The following ATAD2B variants were observed in gnomAD, a reference collection of about 807,000 sequenced individuals.
The protein encoded by ATAD2B is ATPase family AAA domain-containing protein 2B.
ATAD2B carries 40 observed loss-of-function variants against 167.6 expected under a neutral mutation model. That is an observed-to-expected ratio of 0.24 (90% confidence interval 0.19 to 0.31). The LOEUF (loss-of-function observed/expected upper bound fraction) is 0.31. ATAD2B is among the 10% of genes least tolerant of loss of function. The pLI is 1.00. For missense variants in ATAD2B, 1,242 were observed against 1,757.2 expected (o/e 0.71, Z 5.24); for synonymous variants, 579 against 596.5 (o/e 0.97, Z 0.43).
At chr2:23,726,263 C>G in the ATAD2B span, among the ~76,000 whole-genome samples, 1 of 152,170 alleles carries the variant, frequency 6.6e-6, no homozygotes, top group Non-Finnish European at 1.5e-5. Context: ...AGGGTGCTGA[C>G]TCCTGTGTAG....
intron 11 of ATAD2B, 90 bp from the exon 12 acceptor site, chr2:23,863,645 T>C: frequency 8.3e-7 from 1 of 1,198,512 alleles, no homozygotes; most frequent in Non-Finnish European, 1.1e-6. Flanking sequence ...TTCCATATAA[T>C]TTTGTATTGA....
chr2:23,803,475 TGGG>T (rs1558559304), intron 18 of ATAD2B, among the ~76,000 whole-genome samples: 1 of 152,214 alleles, frequency 6.6e-6, no homozygotes, highest in African/African-American at 2.4e-5. Context: ...TACAGATTCC[TGGG>T]ACTCATTCCA....
the ATAD2B span, among the ~76,000 whole-genome samples, chr2:23,711,342 C>CT: frequency 3.9e-4 from 31 of 79,778 alleles, 3 homozygotes; most frequent in Middle Eastern, 7.4e-3. Context: ...GAATTTCTTT[C>CT]TTTTTTTTTT....
intron 15 of ATAD2B, among the ~76,000 whole-genome samples, chr2:23,826,137 G>C (rs1405919936): frequency 6.6e-6 from 1 of 152,070 alleles, no homozygotes; most frequent in Non-Finnish European, 1.5e-5. Flanking sequence ...TAAACCCAGT[G>C]AATCAGAATC....
the ATAD2B span, chr2:23,695,567 CG>C: frequency 5.5e-5 from 68 of 1,244,716 alleles, no homozygotes; most frequent in African/African-American, 1.0e-3. The surrounding 1 kb of genome is among the most constrained non-coding windows in gnomAD (Gnocchi z 7.6). Flanking sequence ...TCTTTCCGTC[CG>C]GGAGGTGGCT....
At chr2:23,892,337 G>A (rs138413889) in intron 2 of ATAD2B, among the ~76,000 whole-genome samples, 18,287 of 152,018 alleles carry the variant, frequency 0.12, 1,175 homozygotes, top group Middle Eastern at 0.22. Context: ...CTAATTTTTT[G>A]TATTTTTTAG....
intron 13 of ATAD2B, among the ~76,000 whole-genome samples, chr2:23,840,728 T>C (rs1430066402): frequency 6.6e-6 from 1 of 152,238 alleles, no homozygotes; most frequent in South Asian, 2.1e-4. Flanking sequence ...TCCTGAAATG[T>C]GGTGGTTCCA....
At chr2:23,818,343 A>G (rs541357775) in intron 17 of ATAD2B, among the ~76,000 whole-genome samples, 89 of 123,594 alleles carry the variant, frequency 7.2e-4, no homozygotes, top group African/African-American at 2.6e-3. Context: ...ACAGACGCAC[A>G]GGCTAGCCAG....
At chr2:23,741,153 A>T in the ATAD2B span, among the ~76,000 whole-genome samples, 1 of 151,460 alleles carries the variant, frequency 6.6e-6, no homozygotes, top group African/African-American at 2.4e-5. Context: ...ATTCAATGCC[A>T]TCCCAATCAA....
At chr2:23,799,586 A>G (rs1244832084) in intron 18 of ATAD2B, among the ~76,000 whole-genome samples, 4 of 146,346 alleles carry the variant, frequency 2.7e-5, no homozygotes, top group Admixed American at 6.7e-5. Context: ...AAAAAAAAAA[A>G]AAAGAAAAGA....
At chr2:23,897,327 C>G (rs1315242267) in intron 1 of ATAD2B, among the ~76,000 whole-genome samples, 1 of 152,204 alleles carries the variant, frequency 6.6e-6, no homozygotes, top group African/African-American at 2.4e-5. Flanking sequence ...CAGGTTTCTT[C>G]ACTGTAAAGT....
intron 15 of ATAD2B, among the ~76,000 whole-genome samples, chr2:23,824,656 A>G (rs1323335827): frequency 6.6e-6 from 1 of 152,196 alleles, no homozygotes; most frequent in East Asian, 1.9e-4. Context: ...AACATAAGGT[A>G]TTATTTATTA....
At chr2:23,708,014 T>G in the ATAD2B span, 2 of 152,240 alleles carry the variant, frequency 1.3e-5, no homozygotes, top group Non-Finnish European at 2.9e-5. Context: ...ACTGCGCTGT[T>G]GAGTTGAAGT....
the ATAD2B span, among the ~76,000 whole-genome samples, chr2:23,701,404 T>C: frequency 1.3e-5 from 2 of 152,174 alleles, no homozygotes; most frequent in Admixed American, 6.5e-5. Flanking sequence ...TTGATCACAT[T>C]ATTTTCCTGC....
chr2:23,878,010 CAAAGAAAAAAAAAA>C (rs1476271625), intron 7 of ATAD2B, among the ~76,000 whole-genome samples: 12 of 28,600 alleles, frequency 4.2e-4, no homozygotes, highest in East Asian at 2.6e-3. Context: ...ACCCTATCTC[CAAAGAAAAAAAAAA>C]AAAAAAAAAA....
At chr2:23,691,890 C>T in the ATAD2B span, 1 of 1,546,276 alleles carries the variant, frequency 6.5e-7, no homozygotes, top group African/African-American at 1.4e-5. Context: ...AGCCCGGGGG[C>T]CACATATGTC....
chr2:23,882,045 T>TATAAC (rs1697985958), intron 6 of ATAD2B, among the ~76,000 whole-genome samples: 1 of 11,820 alleles, frequency 8.5e-5, no homozygotes, highest in Non-Finnish European at 2.4e-4. Context: ...TGGCAATAGC[T>TATAAC]ATAACATCTA....
intron 13 of ATAD2B, among the ~76,000 whole-genome samples, chr2:23,835,133 T>C (rs115771073): frequency 9.8e-4 from 150 of 152,296 alleles, no homozygotes; most frequent in African/African-American, 3.4e-3. Flanking sequence ...TGTTCCTCTT[T>C]GGAAAAAGAG....
the ATAD2B span, among the ~76,000 whole-genome samples, chr2:23,724,732 G>GA: frequency 5.3e-5 from 8 of 151,386 alleles, no homozygotes; most frequent in Non-Finnish European, 1.2e-4. Flanking sequence ...TATCAAGACA[G>GA]AAAAAAAAAT....
Sources: gnomAD v4.1 joint callset for allele counts (sites outside exome capture counted in the v4.1 genomes callset) on GRCh38, gnomAD v4.1.1 for gene constraint, Gnocchi (gnomAD v3.1) non-coding constraint, MANE v1.5 for transcripts, NCBI Gene and HGNC (gene_info 2026-07-23, HGNC 2026-07-21) for gene names.